LRRTM4: variants seen among roughly 807,000 people sequenced by gnomAD.
LRRTM4 encodes the protein leucine-rich repeat transmembrane neuronal protein 4.
A neutral mutation model predicts 47.6 loss-of-function variants in LRRTM4; 25 were observed. The observed-to-expected ratio is 0.53, with a 90% confidence interval of 0.38 to 0.73. The LOEUF is 0.73. Ranked by LOEUF, LRRTM4 falls within the 30% of genes least tolerant of loss-of-function variation. The probability of loss-of-function intolerance (pLI) is 0.00; values close to 1 mark genes in which losing one functional copy is unlikely to be tolerated. For missense variants in LRRTM4, 638 were observed against 713.4 expected (o/e 0.89, Z 1.20); for synonymous variants, 311 against 269.5 (o/e 1.15, Z -1.51).
At chr2:77,005,763 T>G (rs986882887) in intron 3 of LRRTM4, among the ~76,000 whole-genome samples, 35 of 152,182 alleles carry the variant, frequency 2.3e-4, no homozygotes, top group African/African-American at 6.8e-4. Context: ...TCTCCAGCCA[T>G]GTGGAACTGT....
chr2:77,088,235 C>T (rs1680792157), intron 3 of LRRTM4, among the ~76,000 whole-genome samples: 1 of 152,156 alleles, frequency 6.6e-6, no homozygotes, highest in Admixed American at 6.5e-5. Context: ...GGGTATCACA[C>T]AGAACAGCCT....
intron 3 of LRRTM4, among the ~76,000 whole-genome samples, chr2:77,207,230 T>TAC (rs1392493376): frequency 2.0e-5 from 2 of 99,056 alleles, no homozygotes; most frequent in African/African-American, 2.0e-4. Flanking sequence ...CACATATGTG[T>TAC]ATATATATAT....
chr2:77,507,241 A>G (rs968863507), intron 3 of LRRTM4, among the ~76,000 whole-genome samples: 1 of 152,146 alleles, frequency 6.6e-6, no homozygotes, highest in African/African-American at 2.4e-5. Flanking sequence ...TAGAGTAGAA[A>G]CAGTCAAACA....
rs1357293296 is a variant in LRRTM4, at chr2:77,206,657, C to T, written c.1551+311661G>A. ...CGCGACCATGCCCAGCTAATTTTTG[C>T]ATTTTTAGTAGAGATGGGGTTTCAA... On this transcript the variant is annotated intron_variant, in intron 3 of 3. Coordinates refer to ENST00000409884, the MANE Select transcript of LRRTM4 (RefSeq NM_001134745.3). Among the ~76,000 whole-genome samples, 6 of 151,760 alleles carry T rather than the reference C, an allele frequency of 4.0e-5. No individual in the cohort carries two copies. The South Asian group carries it at 1.0e-3, about 26-fold the overall frequency.
intron 3 of LRRTM4, among the ~76,000 whole-genome samples, chr2:76,817,760 T>A (rs923578492): frequency 1.3e-5 from 2 of 151,984 alleles, no homozygotes; most frequent in Non-Finnish European, 2.9e-5. Context: ...GCTTAAATGG[T>A]CTTTGAACAA....
chr2:76,753,747 T>G (rs1672930216), intron 3 of LRRTM4, among the ~76,000 whole-genome samples: 1 of 152,124 alleles, frequency 6.6e-6, no homozygotes, highest in Non-Finnish European at 1.5e-5. Flanking sequence ...CATAATTATA[T>G]TTAAAGTGAG....
chr2:76,909,249 T>G (rs1253307236), intron 3 of LRRTM4, among the ~76,000 whole-genome samples: 1 of 152,188 alleles, frequency 6.6e-6, no homozygotes. Flanking sequence ...GGGGAAAGGA[T>G]TCCCTGTCTA....
intron 3 of LRRTM4, among the ~76,000 whole-genome samples, chr2:77,256,355 A>T (rs190986797): frequency 3.7e-4 from 56 of 152,236 alleles, no homozygotes; most frequent in African/African-American, 1.2e-3. Flanking sequence ...AGAATTAATG[A>T]TTTTAAACAA....
intron 3 of LRRTM4, among the ~76,000 whole-genome samples, chr2:77,464,767 C>T (rs1199558366): frequency 6.6e-6 from 1 of 152,088 alleles, no homozygotes; most frequent in African/African-American, 2.4e-5. Context: ...GAACCCTCTG[C>T]ATCAGAATCA....
intron 3 of LRRTM4, among the ~76,000 whole-genome samples, chr2:77,329,416 C>A (rs1168259930): frequency 1.3e-5 from 2 of 152,122 alleles, no homozygotes; most frequent in Admixed American, 1.3e-4. Flanking sequence ...GTGAAGAATA[C>A]TACCATGAAC....
At chr2:76,811,925 T>C (rs1340768843) in intron 3 of LRRTM4, among the ~76,000 whole-genome samples, 2 of 152,190 alleles carry the variant, frequency 1.3e-5, no homozygotes, top group African/African-American at 4.8e-5. Context: ...ATTGCTTTTA[T>C]TATGTAATAG....
At chr2:77,465,985 T>C (rs776087333) in intron 3 of LRRTM4, among the ~76,000 whole-genome samples, 1 of 152,188 alleles carries the variant, frequency 6.6e-6, no homozygotes, top group African/African-American at 2.4e-5. Context: ...CTGTTTTGCT[T>C]AGCGATTATA....
intron 3 of LRRTM4, among the ~76,000 whole-genome samples, chr2:76,848,617 T>C (rs1184628809): frequency 6.6e-6 from 1 of 152,158 alleles, no homozygotes; most frequent in Non-Finnish European, 1.5e-5. Flanking sequence ...ATTATTATTT[T>C]AGAATTTATT....
intron 3 of LRRTM4, among the ~76,000 whole-genome samples, chr2:77,052,808 CAG>C (rs908689220): frequency 2.6e-5 from 4 of 151,912 alleles, no homozygotes; most frequent in African/African-American, 9.7e-5. Flanking sequence ...GACGCTGACA[CAG>C]AATTTTTTTA....
chr2:77,078,354 AAT>A (rs978283922), intron 3 of LRRTM4, among the ~76,000 whole-genome samples: 10 of 146,816 alleles, frequency 6.8e-5, no homozygotes, highest in South Asian at 4.4e-4. Flanking sequence ...TATTGAAAAA[AAT>A]ATGTTTGTCT....
intron 3 of LRRTM4, among the ~76,000 whole-genome samples, chr2:77,197,725 A>G (rs1283046958): frequency 6.6e-6 from 1 of 152,194 alleles, no homozygotes; most frequent in Non-Finnish European, 1.5e-5. Context: ...CATTCTATCT[A>G]TATAGTGAGG....
intron 3 of LRRTM4, among the ~76,000 whole-genome samples, chr2:76,764,977 C>G (rs537978903): frequency 6.6e-6 from 1 of 152,312 alleles, no homozygotes; most frequent in African/African-American, 2.4e-5. Flanking sequence ...GGAAGTGGAG[C>G]TGTCGCCTAA....
chr2:77,149,825 G>A lies in LRRTM4; in HGVS notation c.1551+368493C>T, dbSNP rs1004334350. On this transcript the variant is annotated intron_variant, in intron 3 of 3. Coordinates refer to ENST00000409884, the MANE Select transcript of LRRTM4 (RefSeq NM_001134745.3). ...CACCTCACTGAACTCAGACTCCCAG[G>A]TGGCCACTCCAATCATTCTCTGCCT... Among the ~76,000 whole-genome samples the A allele has an allele frequency of 2.0e-5, 3 of 152,202 alleles. No homozygotes were observed. The East Asian group carries it at 5.8e-4, about 30-fold the overall frequency.
chr2:77,223,361 C>A (rs1490178858), intron 3 of LRRTM4, among the ~76,000 whole-genome samples: 2 of 152,052 alleles, frequency 1.3e-5, no homozygotes, highest in African/African-American at 4.8e-5. Context: ...CTGGCCAGGG[C>A]AATCAGGCAG....
Sources: gnomAD v4.1 joint callset for allele counts (sites outside exome capture counted in the v4.1 genomes callset) on GRCh38, gnomAD v4.1.1 for gene constraint, MANE v1.5 for transcripts, NCBI Gene and HGNC (gene_info 2026-07-23, HGNC 2026-07-21) for gene names.